ENTHD1: variants seen among roughly 807,000 people sequenced by gnomAD.
ENTHD1 encodes the protein ENTH domain containing 1, also known as ENTH domain-containing protein 1.
ENTHD1 carries 23 observed loss-of-function variants against 39.1 expected under a neutral mutation model. That is an observed-to-expected ratio of 0.59 (90% confidence interval 0.42 to 0.83). The LOEUF (loss-of-function observed/expected upper bound fraction) is 0.83. ENTHD1 is among the 40% of genes least tolerant of loss of function. The probability of loss-of-function intolerance (pLI) is 0.00; values close to 1 mark genes in which losing one functional copy is unlikely to be tolerated. For missense variants in ENTHD1, 624 were observed against 705.4 expected, an observed-to-expected ratio of 0.88 and a Z score of 1.31; for synonymous variants, 230 against 258.2, an observed-to-expected ratio of 0.89 and a Z score of 1.05.
chr22:39,887,364 C>A (rs762067643), intron 2 of ENTHD1, 36 bp downstream of exon 2: 2 of 1,528,448 alleles, frequency 1.3e-6, no homozygotes, highest in East Asian at 4.5e-5. Context: ...GTGTACACCA[C>A]CACACCCAGC....
intron 5 of ENTHD1, among the ~76,000 whole-genome samples, chr22:39,798,376 G>A (rs78982795): frequency 6.6e-6 from 1 of 151,938 alleles, no homozygotes; most frequent in Non-Finnish European, 1.5e-5. Context: ...GTTAAGTATT[G>A]GATTGGCTTT....
chr22:39,814,508 C>T (rs981306824), intron 5 of ENTHD1, among the ~76,000 whole-genome samples: 2 of 152,044 alleles, frequency 1.3e-5, no homozygotes, highest in Admixed American at 6.6e-5. Flanking sequence ...GAAAAGTCAT[C>T]AAGAATTATT....
chr22:39,744,542 C>T (rs1342239317), intron 6 of ENTHD1, among the ~76,000 whole-genome samples: 1 of 149,334 alleles, frequency 6.7e-6, no homozygotes, highest in Non-Finnish European at 1.5e-5. Context: ...CTTGACTCAT[C>T]TTGACTCAAA....
intron 6 of ENTHD1, among the ~76,000 whole-genome samples, chr22:39,748,381 A>G (rs1298824221): frequency 6.6e-6 from 1 of 152,196 alleles, no homozygotes; most frequent in East Asian, 1.9e-4. Context: ...TAAGTAGGCC[A>G]AGACGGAAAT....
intron 2 of ENTHD1, among the ~76,000 whole-genome samples, chr22:39,873,758 C>T (rs2062183895): frequency 6.6e-6 from 1 of 152,218 alleles, no homozygotes; most frequent in South Asian, 2.1e-4. Context: ...AACTCTATCT[C>T]ACAATATACA....
intron 5 of ENTHD1, among the ~76,000 whole-genome samples, chr22:39,798,152 G>T (rs901654216): frequency 1.3e-4 from 20 of 151,540 alleles, no homozygotes; most frequent in South Asian, 2.1e-4. Context: ...GGTTTTTTTT[G>T]AGTGTGTCTG....
chr22:39,853,678 A>G (rs1258310604), intron 3 of ENTHD1, among the ~76,000 whole-genome samples: 2 of 152,062 alleles, frequency 1.3e-5, no homozygotes, highest in Non-Finnish European at 2.9e-5. Flanking sequence ...GGTTCAAGCA[A>G]TTCTCCTGCC....
At chr22:39,877,050 C>T (rs527489967) in intron 2 of ENTHD1, among the ~76,000 whole-genome samples, 37 of 152,248 alleles carry the variant, frequency 2.4e-4, no homozygotes, top group African/African-American at 7.9e-4. Context: ...AGACTACCTG[C>T]GAATGTTAAC....
chr22:39,843,343 A>C (rs1345657208), intron 3 of ENTHD1, among the ~76,000 whole-genome samples: 1 of 151,850 alleles, frequency 6.6e-6, no homozygotes, highest in African/African-American at 2.4e-5. Context: ...AATCATTCTC[A>C]GTAAACTATC....
At chr22:39,833,313 C>T (rs1408795641) in intron 4 of ENTHD1, among the ~76,000 whole-genome samples, 1 of 152,102 alleles carries the variant, frequency 6.6e-6, no homozygotes. Context: ...TTAAAAAAAG[C>T]AGCCATTACC....
chr22:39,744,157 A>G lies in ENTHD1; in HGVS notation c.1346T>C (p.Leu449Pro). 6.2e-7 allele frequency: 1 copy of G among 1,614,158 alleles called. No individual in the cohort carries two copies. The part of the protein sequence containing the change: ...PILAGPSFWT[L>P]SHQQLSSTSF... ...GGTAGAAGACAACTGTTGATGGGACAGAGTCCAGAAGGAAGGTCCGGCCAG... is the reference window on the plus strand; with the variant it reads ...GGTAGAAGACAACTGTTGATGGGACGGAGTCCAGAAGGAAGGTCCGGCCAG... Residue 449 changes from leucine (L) to proline (P), a missense_variant, in exon 7 of 7, where the codon CTG becomes CCG. Physicochemically the swap from Leu to Pro is moderately conservative, Grantham distance 98 (BLOSUM62 -3). Coordinates refer to ENST00000325157, the MANE Select transcript of ENTHD1 (RefSeq NM_152512.4).
chr22:39,792,259 G>C (rs1454727774), intron 5 of ENTHD1, among the ~76,000 whole-genome samples: 1 of 151,980 alleles, frequency 6.6e-6, no homozygotes, highest in Non-Finnish European at 1.5e-5. Context: ...ATCCAGTAGT[G>C]GGATTGCTGG....
chr22:39,754,763 CT>C (rs1405032476), intron 6 of ENTHD1, among the ~76,000 whole-genome samples: 2 of 152,118 alleles, frequency 1.3e-5, no homozygotes, highest in Non-Finnish European at 2.9e-5. Context: ...TGTCTAACAC[CT>C]CTCACCTGGT....
At chr22:39,763,132 T>C (rs2065248980) in intron 6 of ENTHD1, among the ~76,000 whole-genome samples, 1 of 152,176 alleles carries the variant, frequency 6.6e-6, no homozygotes, top group African/African-American at 2.4e-5. Context: ...TCCTAGAGTA[T>C]AGTCCTGAGG....
intron 5 of ENTHD1, among the ~76,000 whole-genome samples, chr22:39,792,562 C>T (rs2065513127): frequency 6.6e-6 from 1 of 152,066 alleles, no homozygotes; most frequent in Admixed American, 6.5e-5. Flanking sequence ...CCTTTACCTG[C>T]TAATGAGTTG....
Position 39,820,006 on chromosome 22 carries a change from C to G in ENTHD1, c.832+987G>C, listed in dbSNP as rs575957758. 4.6e-5 allele frequency among the ~76,000 whole-genome samples: 7 copies of G among 152,268 alleles called. No individual in the cohort carries two copies. The South Asian group carries it at 1.5e-3, about 32-fold the overall frequency. On this transcript the variant is annotated intron_variant, in intron 5 of 6. Transcript: ENST00000325157. Reference sequence around the variant, plus strand: ...AAAGCAAGCTTTCTAAAAATTATAACCACTTATAACTAATTATCCATGTGA... The same window carrying G: ...AAAGCAAGCTTTCTAAAAATTATAAGCACTTATAACTAATTATCCATGTGA...
intron 2 of ENTHD1, chr22:39,875,783 A>T: frequency 1.2e-6 from 2 of 1,613,536 alleles, no homozygotes; most frequent in Non-Finnish European, 8.5e-7. Flanking sequence ...AGGCAAGAAC[A>T]TGGCTTTCAA....
intron 6 of ENTHD1, among the ~76,000 whole-genome samples, chr22:39,760,780 A>G (rs888274886): frequency 7.2e-5 from 11 of 152,058 alleles, no homozygotes; most frequent in Admixed American, 6.6e-4. Flanking sequence ...TATTCTTTCT[A>G]CAAGCGTAAT....
intron 3 of ENTHD1, among the ~76,000 whole-genome samples, chr22:39,857,074 G>T (rs534353631): frequency 6.6e-6 from 1 of 152,114 alleles, no homozygotes; most frequent in South Asian, 2.1e-4. Context: ...TTTTAAAATA[G>T]TCAAGTCATT....
Sources: allele counts gnomAD v4.1 joint callset (sites outside exome capture counted in the v4.1 genomes callset), GRCh38; gene constraint gnomAD v4.1.1; transcripts MANE v1.5; gene names NCBI Gene and HGNC (gene_info 2026-07-23, HGNC 2026-07-21).